TRDMT1: variants seen among roughly 807,000 people sequenced by gnomAD.
The protein encoded by TRDMT1 is tRNA aspartic acid methyltransferase 1.
In TRDMT1, 49 loss-of-function variants were observed where a neutral mutation model predicts 51.2. That is an observed-to-expected ratio of 0.96 (90% CI 0.76 to 1.21). The LOEUF (loss-of-function observed/expected upper bound fraction) is 1.21. TRDMT1 is among the 50% of genes most tolerant of loss of function. The pLI, the probability that TRDMT1 is intolerant of heterozygous loss-of-function variation, is 0.00. For missense variants in TRDMT1, 534 were observed against 462.3 expected, an observed-to-expected ratio of 1.16 and a Z score of -1.42; for synonymous variants, 187 against 164.6, an observed-to-expected ratio of 1.14 and a Z score of -1.04.
chr10:17,156,746 C>G (rs1839570548), intron 8 of TRDMT1, among the ~76,000 whole-genome samples: 1 of 151,748 alleles, frequency 6.6e-6, no homozygotes, highest in Non-Finnish European at 1.5e-5. Flanking sequence ...TTATATTGTG[C>G]AGTGAAAAAA....
chr10:17,200,237 A>C (rs1231838325), intron 1 of TRDMT1, among the ~76,000 whole-genome samples: 1 of 152,238 alleles, frequency 6.6e-6, no homozygotes, highest in Non-Finnish European at 1.5e-5. Flanking sequence ...TCGACACTTA[A>C]GGAATGGCTG....
intron 10 of TRDMT1, chr10:17,151,287 T>G: frequency 1.0e-6 from 1 of 983,562 alleles, no homozygotes; most frequent in Non-Finnish European, 1.2e-6. Flanking sequence ...ATAACAATAA[T>G]AATCCTCAAA....
chr10:17,194,502 A>G (rs1845112208), intron 1 of TRDMT1, among the ~76,000 whole-genome samples: 1 of 152,216 alleles, frequency 6.6e-6, no homozygotes, highest in Admixed American at 6.5e-5. Context: ...GGCAAAGGAC[A>G]TGAACAGATA....
rs568758888 is a variant in TRDMT1 at position 17,143,415 on chromosome 10, T to A, written c.*5625A>T. On this transcript the variant is annotated 3_prime_UTR_variant, in exon 11 of 11. Transcript: ENST00000377799. ...GCTTATTGTCTACTCATTCATAGGA[T>A]CAGCTCTTAAATATGAAAGTCAACT... 359 of 985,452 alleles carry A rather than the reference T, an allele frequency of 3.6e-4. No individual in the cohort carries two copies. Among genetic ancestry groups the A allele is most frequent in the Non-Finnish European group, 4.1e-4 (337 of 829,930 alleles). The allele number at this position is 985,452 out of a possible 1,614,324, so 61.0% of individuals were successfully genotyped here.
chr10:17,198,583 G>A (rs1166785104), intron 1 of TRDMT1, among the ~76,000 whole-genome samples: 1 of 152,212 alleles, frequency 6.6e-6, no homozygotes, highest in Non-Finnish European at 1.5e-5. Context: ...CTTATGTGTG[G>A]TACGCAGAGT....
In TRDMT1 at chr10:17,146,025, T is replaced by C. The variant is rs1000490483; in HGVS notation, c.*3015A>G. The C allele has an allele frequency of 5.1e-6, 5 of 985,462 alleles. No homozygotes were observed. Among genetic ancestry groups the C allele is most frequent in the Middle Eastern group, 5.2e-4 (1 of 1,914 alleles). 61.0% of individuals were successfully genotyped at this position (985,462 alleles called of 1,614,324 possible). On this transcript the variant is annotated 3_prime_UTR_variant, in exon 11 of 11. Transcript: ENST00000377799. ...GAGAACTTCCACCCCTACCAATGCGTTGAATTGCCTGCACTCATCTCTAAC... is the reference window on the plus strand; with the variant it reads ...GAGAACTTCCACCCCTACCAATGCGCTGAATTGCCTGCACTCATCTCTAAC...
chr10:17,150,231 T>G (rs1262565544), intron 10 of TRDMT1: 2 of 225,130 alleles, frequency 8.9e-6, no homozygotes, highest in Admixed American at 6.5e-5. Context: ...CCCTAATAAC[T>G]AACTAACATA....
chr10:17,147,063 CA>C lies in TRDMT1; in HGVS notation c.*1976del. ...CTTTCAAGTATTTATAGTTGGTGCA[CA>C]GTAACTCGACACTTATTTTGTATAA... On this transcript the variant is annotated 3_prime_UTR_variant, in exon 11 of 11. Transcript: ENST00000377799. 1.5e-5 allele frequency: 15 copies of C among 985,692 alleles called. No individual in the cohort carries two copies. The highest frequency in any genetic ancestry group is 1.8e-5 in the Non-Finnish European group (15 of 829,926). The allele number at this position is 985,692 out of a possible 1,614,324, so 61.1% of individuals were successfully genotyped here.
At chr10:17,195,294 T>A (rs1845256307) in intron 1 of TRDMT1, among the ~76,000 whole-genome samples, 1 of 152,236 alleles carries the variant, frequency 6.6e-6, no homozygotes, top group African/African-American at 2.4e-5. Context: ...CAAAATCATA[T>A]CCTTTGTAGC....
At chr10:17,158,000 G>A (rs1236061514) in intron 7 of TRDMT1, among the ~76,000 whole-genome samples, 1 of 151,988 alleles carries the variant, frequency 6.6e-6, no homozygotes, top group Non-Finnish European at 1.5e-5. Context: ...TTTATTTCAT[G>A]GATTAGTGTT....
Position 17,143,131 on chromosome 10 carries a change from T to A in TRDMT1, c.*5909A>T. ...AAGTGGCAGTAACAGACAAATTAAA[T>A]AGTTTTCAAGAGAACAACTTAAAGA... On this transcript the variant is annotated 3_prime_UTR_variant, in exon 11 of 11. Transcript: ENST00000377799. 3.0e-6 allele frequency: 3 copies of A among 985,460 alleles called. No homozygotes were observed. Among genetic ancestry groups the A allele is most frequent in the Non-Finnish European group, 3.6e-6 (3 of 829,946 alleles). The allele number at this position is 985,460 out of a possible 1,614,324, so 61.0% of individuals were successfully genotyped here.
rs544933755 is a variant in TRDMT1, at chr10:17,144,121, G to A, written c.*4919C>T. ...AAGGGTAGAAAGAGACCTGAGGACGGAACCTTCAGATAAGTCAGCTCCAAG... is the reference window on the plus strand; with the variant it reads ...AAGGGTAGAAAGAGACCTGAGGACGAAACCTTCAGATAAGTCAGCTCCAAG... On this transcript the variant is annotated 3_prime_UTR_variant, in exon 11 of 11. Coordinates refer to ENST00000377799, the MANE Select transcript of TRDMT1 (RefSeq NM_004412.7). The A allele has an allele frequency of 5.1e-6, 5 of 985,402 alleles. No homozygotes were observed. Among genetic ancestry groups the A allele is most frequent in the Middle Eastern group, 5.2e-4 (1 of 1,912 alleles). The allele number at this position is 985,402 out of a possible 1,614,324, so 61.0% of individuals were successfully genotyped here.
In TRDMT1 at chr10:17,144,589, G is replaced by A. The variant is rs1837946045; in HGVS notation, c.*4451C>T. The A allele has an allele frequency of 1.0e-6, 1 of 985,418 alleles. No homozygotes were observed. The allele number at this position is 985,418 out of a possible 1,614,324, so 61.0% of individuals were successfully genotyped here. ...TGGTAAATATAAAGCCAATGTATAT[G>A]AGAACTTGGGGAATACAAAGCCAAA... On this transcript the variant is annotated 3_prime_UTR_variant, in exon 11 of 11. Transcript: ENST00000377799.
chr10:17,160,629 C>T (rs1385036197), intron 5 of TRDMT1, among the ~76,000 whole-genome samples: 1 of 152,024 alleles, frequency 6.6e-6, no homozygotes, highest in African/African-American at 2.4e-5. Context: ...CACCACCACG[C>T]CTGGCTAATT....
Position 17,145,711 on chromosome 10 carries a change from T to C in TRDMT1, c.*3329A>G. 7 of 985,450 alleles carry C rather than the reference T, an allele frequency of 7.1e-6. No individual in the cohort carries two copies. The highest frequency in any genetic ancestry group is 8.4e-6 in the Non-Finnish European group (7 of 829,928). 61.0% of individuals were successfully genotyped at this position (985,450 alleles called of 1,614,324 possible). A position where few individuals can be genotyped will look rare whatever the true frequency, so the allele number is the denominator to read the frequency against. ...TGGTCCTTATTGTGTTATCTTGGCT[T>C]TTTTAGAAACCGCTTGTTTCTAAAC... On this transcript the variant is annotated 3_prime_UTR_variant, in exon 11 of 11. Transcript: ENST00000377799.
chr10:17,173,218 C>T (rs2131510261), intron 2 of TRDMT1, among the ~76,000 whole-genome samples: 1 of 152,224 alleles, frequency 6.6e-6, no homozygotes, highest in East Asian at 1.9e-4. Context: ...CTAAGATCCA[C>T]ACAGATTTGT....
intron 3 of TRDMT1, among the ~76,000 whole-genome samples, chr10:17,168,391 T>G (rs530767292): frequency 3.3e-5 from 5 of 152,316 alleles, no homozygotes; most frequent in African/African-American, 1.2e-4. Flanking sequence ...GAAATGCAGC[T>G]AATAAACTTC....
chr10:17,175,631 A>G (rs1344549768), intron 1 of TRDMT1, among the ~76,000 whole-genome samples: 2 of 151,606 alleles, frequency 1.3e-5, no homozygotes, highest in Non-Finnish European at 2.9e-5. Flanking sequence ...CCATTAGTTG[A>G]TTAATAGTTA....
chr10:17,174,465 T>A, intron 2 of TRDMT1, 86 bp downstream of exon 2: 2 of 860,494 alleles, frequency 2.3e-6, no homozygotes, highest in East Asian at 5.2e-5. Flanking sequence ...ATCTTCCAAT[T>A]AAGACAACGG....
Sources: allele counts gnomAD v4.1 joint callset (sites outside exome capture counted in the v4.1 genomes callset), GRCh38; gene constraint gnomAD v4.1.1; transcripts MANE v1.5; gene names NCBI Gene and HGNC (gene_info 2026-07-23, HGNC 2026-07-21).